SPAG6: variants seen among roughly 807,000 people sequenced by gnomAD.
SPAG6 encodes the protein sperm-associated antigen 6.
Under a neutral mutation model 58.5 loss-of-function variants are expected in SPAG6, and 49 were observed. The ratio of observed to expected loss-of-function variants is 0.84; its 90% confidence interval spans 0.67 to 1.06. The LOEUF is 1.06. Ranked by LOEUF, SPAG6 falls within the 50% of genes least tolerant of loss-of-function variation. The pLI, the probability that SPAG6 is intolerant of heterozygous loss-of-function variation, is 0.00. For synonymous variants in SPAG6, 233 were observed against 225.6 expected (o/e 1.03, Z -0.29); for missense variants, 560 against 611.3 (o/e 0.92, Z 0.89).
At chr10:22,401,044 T>C in intron 8 of SPAG6, 117 bp from the exon 9 acceptor site, 1 of 643,226 alleles carries the variant, frequency 1.6e-6, no homozygotes. Flanking sequence ...ATGAAACAAC[T>C]GCAGCTTAGA....
intron 4 of SPAG6, among the ~76,000 whole-genome samples, chr10:22,377,974 T>C (rs2132067819): frequency 1.3e-5 from 2 of 151,938 alleles, no homozygotes; most frequent in Middle Eastern, 3.4e-3. Context: ...TTATTTATTT[T>C]AAAAATTATT....
At chr10:22,349,140 C>T (rs761871769) in intron 2 of SPAG6, among the ~76,000 whole-genome samples, 12 of 152,130 alleles carry the variant, frequency 7.9e-5, no homozygotes, top group Non-Finnish European at 1.3e-4. Flanking sequence ...TGAGCCGCCA[C>T]GCCTGGGTAG....
At chr10:22,375,066 G>C (rs952116958) in intron 4 of SPAG6, among the ~76,000 whole-genome samples, 3 of 152,208 alleles carry the variant, frequency 2.0e-5, no homozygotes, top group African/African-American at 7.2e-5. Context: ...GTGCTAAATG[G>C]ATAAAGAGAA....
At chr10:22,415,020 C>T (rs1023597994) in intron 10 of SPAG6, among the ~76,000 whole-genome samples, 1 of 152,176 alleles carries the variant, frequency 6.6e-6, no homozygotes, top group African/African-American at 2.4e-5. Flanking sequence ...CCCTCCTCAG[C>T]CTCCCAAAGT....
At chr10:22,350,998 T>C (rs1215640218) in intron 2 of SPAG6, among the ~76,000 whole-genome samples, 1 of 152,248 alleles carries the variant, frequency 6.6e-6, no homozygotes, top group Non-Finnish European at 1.5e-5. Flanking sequence ...CCTCATTTTG[T>C]GCTCTTTCTA....
At chr10:22,386,667 T>C (rs1032202203) in intron 4 of SPAG6, 87 bp from the exon 5 acceptor site, 32 of 982,574 alleles carry the variant, frequency 3.3e-5, no homozygotes, top group Non-Finnish European at 4.2e-5. Context: ...CTCCCCTTTT[T>C]TCTTTGCTGT....
intron 3 of SPAG6, among the ~76,000 whole-genome samples, chr10:22,366,938 G>A (rs79046737): frequency 0.011 from 1,705 of 152,008 alleles, 22 homozygotes; most frequent in Non-Finnish European, 0.019. Context: ...TCACCTCCCA[G>A]CCTTTAAGTC....
At chr10:22,396,097 G>A (rs1242117041) in intron 8 of SPAG6, among the ~76,000 whole-genome samples, 1 of 152,168 alleles carries the variant, frequency 6.6e-6, no homozygotes, top group Non-Finnish European at 1.5e-5. Flanking sequence ...TCACATGGCA[G>A]AGCAGGAGAG....
At chr10:22,352,653 G>A (rs1836761399) in intron 2 of SPAG6, among the ~76,000 whole-genome samples, 2 of 152,292 alleles carry the variant, frequency 1.3e-5, no homozygotes, top group South Asian at 4.1e-4. Context: ...TAGTAGCTGG[G>A]ATTACTGGCA....
intron 2 of SPAG6, among the ~76,000 whole-genome samples, chr10:22,362,094 A>G (rs1481792386): frequency 1.4e-5 from 2 of 145,474 alleles, no homozygotes; most frequent in Admixed American, 7.0e-5. Context: ...TTTATTTTAT[A>G]TATTCGATGT....
Position 22,401,215 on chromosome 10 carries a change from G to C in SPAG6, c.1252G>C (p.Glu418Gln), listed in dbSNP as rs1469777476. ...LQKCTYLPAL[E>Q]PFLYDAPPNI... ...AAAATGTACCTACTTACCAGCCCTT[G>C]AACCATTTCTATATGATGCTCCTCC... The change falls in exon 9 of 11, where the codon GAA (glutamate) becomes CAA (glutamine). Residue 418 changes from glutamate to glutamine, a missense_variant. By Grantham distance (29) the Glu-to-Gln change is conservative (BLOSUM62 2). Transcript: ENST00000376624. 3 of 1,609,844 alleles carry C rather than the reference G, an allele frequency of 1.9e-6. No homozygotes were observed. The South Asian group carries it at 3.3e-5, about 18-fold the overall frequency.
intron 8 of SPAG6, among the ~76,000 whole-genome samples, chr10:22,393,104 C>T (rs1834218600): frequency 6.6e-6 from 1 of 151,916 alleles, no homozygotes; most frequent in Admixed American, 6.6e-5. Context: ...GGTGAGAAAC[C>T]AAAACTCTAT....
At chr10:22,385,293 C>T (rs1280463933) in intron 4 of SPAG6, among the ~76,000 whole-genome samples, 1 of 152,124 alleles carries the variant, frequency 6.6e-6, no homozygotes, top group Non-Finnish European at 1.5e-5. Context: ...ATTGCAGTAG[C>T]ATCCCAGAGG....
chr10:22,416,830 T>A lies in SPAG6; in HGVS notation c.*142T>A. 1.9e-6 allele frequency: 1 copy of A among 519,418 alleles called. No homozygotes were observed. The highest frequency in any genetic ancestry group is 3.5e-6 in the Non-Finnish European group (1 of 287,368). 32.2% of individuals were successfully genotyped at this position (519,418 alleles called of 1,614,324 possible). A position where few individuals can be genotyped will look rare whatever the true frequency, so the allele number is the denominator to read the frequency against. ...TTAGATAATATTTTCTAAATTTATGTAATACTTTAAACATTCGTAGCTTGA... is the reference window on the plus strand; with the variant it reads ...TTAGATAATATTTTCTAAATTTATGAAATACTTTAAACATTCGTAGCTTGA... On this transcript the variant is annotated 3_prime_UTR_variant, in exon 11 of 11. Transcript: ENST00000376624.
rs531934334 is a variant in SPAG6 at position 22,362,060 on chromosome 10, T to C, written c.122-2793T>C. On this transcript the variant is annotated intron_variant, in intron 2 of 10. Coordinates refer to ENST00000376624, the MANE Select transcript of SPAG6 (RefSeq NM_012443.4). Reference sequence around the variant, plus strand: ...GATATATTATTTTATATATTTATTCTATATAAGTATATATAAATATATATT... The same window carrying C: ...GATATATTATTTTATATATTTATTCCATATAAGTATATATAAATATATATT... Among the ~76,000 whole-genome samples, 675 of 146,162 alleles carry C rather than the reference T, an allele frequency of 4.6e-3. 4 individuals carry two copies. Among genetic ancestry groups the C allele is most frequent in the African/African-American group, 0.016 (658 of 40,438 alleles).
intron 2 of SPAG6, among the ~76,000 whole-genome samples, chr10:22,351,825 T>C (rs1039653341): frequency 6.6e-6 from 1 of 152,188 alleles, no homozygotes; most frequent in Non-Finnish European, 1.5e-5. Flanking sequence ...ATCCATGCTT[T>C]CTTTCATAAG....
intron 8 of SPAG6, among the ~76,000 whole-genome samples, chr10:22,393,540 T>C (rs1834227239): frequency 6.6e-6 from 1 of 152,206 alleles, no homozygotes; most frequent in Non-Finnish European, 1.5e-5. Context: ...ATAAATTTCA[T>C]TGTGTTTAAC....
Position 22,345,693 on chromosome 10 carries a change from G to T in SPAG6, c.26-30G>T, listed in dbSNP as rs181962454. On this transcript the variant is annotated intron_variant, in intron 1 of 10. Coordinates refer to ENST00000376624, the MANE Select transcript of SPAG6 (RefSeq NM_012443.4). The surrounding 1 kb of genome is among the most constrained non-coding windows in gnomAD (Gnocchi z 6.3). ...GCTGGCGCCGAGGAGACCCGGGTGCGGTGGGCTCCACCGACTCTCTCTCCC... is the reference window on the plus strand; with the variant it reads ...GCTGGCGCCGAGGAGACCCGGGTGCTGTGGGCTCCACCGACTCTCTCTCCC... 5 of 1,597,054 alleles carry T rather than the reference G, an allele frequency of 3.1e-6. No homozygotes were observed. Among genetic ancestry groups the T allele is most frequent in the Non-Finnish European group, 4.3e-6 (5 of 1,172,414 alleles).
chr10:22,366,522 C>T (rs1370067368), intron 3 of SPAG6, among the ~76,000 whole-genome samples: 1 of 152,052 alleles, frequency 6.6e-6, no homozygotes, highest in African/African-American at 2.4e-5. Context: ...CACTAAATGC[C>T]ACTAAATTGT....
Sources: allele counts gnomAD v4.1 joint callset (sites outside exome capture counted in the v4.1 genomes callset), GRCh38; gene constraint gnomAD v4.1.1; non-coding constraint Gnocchi (gnomAD v3.1); transcripts MANE v1.5; gene names NCBI Gene and HGNC (gene_info 2026-07-23, HGNC 2026-07-21).